TCF4: variants seen among roughly 807,000 people sequenced by gnomAD.
TCF4 encodes the protein transcription factor 4.
In TCF4, 3 loss-of-function variants were observed where a neutral mutation model predicts 82.1. That is an observed-to-expected ratio of 0.04 (90% CI 0.02 to 0.09). TCF4 has a LOEUF of 0.09. Among genes scored for constraint, TCF4 ranks in the 10% least tolerant of loss-of-function variants. TCF4 has a pLI of 1.00. For synonymous variants in TCF4, 276 were observed against 309.6 expected, an observed-to-expected ratio of 0.89 and a Z score of 1.14; for missense variants, 518 against 852.7, an observed-to-expected ratio of 0.61 and a Z score of 4.89.
At position 55,307,472 on chromosome 18, in the gene TCF4, G is replaced by A. The variant is rs138267622; in HGVS notation, c.550-27816C>T. The stretch of plus-strand genomic sequence containing the variant: ...AAATACTCTTGAAGAGGTGTACTCT[G>A]TGGCCTCAACACACATTATATTTCG... On this transcript the variant is annotated intron_variant, in intron 8 of 19. Transcript: ENST00000354452. Among the ~76,000 whole-genome samples, 248 of 152,316 alleles carry A rather than the reference G, an allele frequency of 1.6e-3. 3 individuals carry two copies. Among genetic ancestry groups the A allele is most frequent in the Admixed American group, 3.7e-3 (56 of 15,300 alleles).
At chr18:55,390,382 C>G (rs1185489123) in intron 6 of TCF4, among the ~76,000 whole-genome samples, 1 of 151,568 alleles carries the variant, frequency 6.6e-6, no homozygotes, top group Admixed American at 6.6e-5. Context: ...AGTCATCTAC[C>G]TAGAGAGCAT....
chr18:55,568,114 T>C (rs1471257196), intron 3 of TCF4, among the ~76,000 whole-genome samples: 1 of 151,210 alleles, frequency 6.6e-6, no homozygotes, highest in East Asian at 1.9e-4. Context: ...AATTCTTATA[T>C]TATAAAAAGA....
At chr18:55,430,093 A>G (rs1416109531) in intron 5 of TCF4, among the ~76,000 whole-genome samples, 8 of 152,186 alleles carry the variant, frequency 5.3e-5, no homozygotes, top group Admixed American at 5.2e-4. Flanking sequence ...TAGAACATTC[A>G]TCTCTCTGTA....
Position 55,550,124 on chromosome 18 carries a change from T to C in TCF4, c.145+35156A>G, listed in dbSNP as rs544131477. 8.7e-4 allele frequency: 132 copies of C among 152,302 alleles called. 2 individuals are homozygous for C. The highest frequency in any genetic ancestry group is 9.1e-4 in the Non-Finnish European group (62 of 68,026). 9.4% of individuals were successfully genotyped at this position (152,302 alleles called of 1,614,324 possible). A position where few individuals can be genotyped will look rare whatever the true frequency, so the allele number is the denominator to read the frequency against. On this transcript the variant is annotated intron_variant, in intron 3 of 19. Transcript: ENST00000354452. Reference sequence around the variant, plus strand: ...ATATATCTCGTGATTTCTAGAAATCTTACTCTAACTTCTCTTAGACACACA... The same window carrying C: ...ATATATCTCGTGATTTCTAGAAATCCTACTCTAACTTCTCTTAGACACACA...
intron 9 of TCF4, among the ~76,000 whole-genome samples, chr18:55,276,218 T>A (rs958906359): frequency 6.6e-6 from 1 of 152,160 alleles, no homozygotes; most frequent in Admixed American, 6.5e-5. Context: ...AATGTTTAAT[T>A]TCATTTTTAA....
chr18:55,615,902 A>G (rs910447389), intron 2 of TCF4, among the ~76,000 whole-genome samples: 2 of 152,128 alleles, frequency 1.3e-5, no homozygotes, highest in African/African-American at 4.8e-5. Flanking sequence ...TTGATATGCT[A>G]AAATTTTGTT....
At chr18:55,528,716 A>G (rs1398303052) in intron 3 of TCF4, among the ~76,000 whole-genome samples, 2 of 152,242 alleles carry the variant, frequency 1.3e-5, no homozygotes, top group Non-Finnish European at 2.9e-5. Flanking sequence ...CGTTTCTCCA[A>G]GGAATTTATG....
At position 55,224,637 on chromosome 18, in the gene TCF4, TA is replaced by T. The variant is rs550539621; in HGVS notation, c.*3397del. 96 of 143,970 alleles carry T rather than the reference TA, an allele frequency of 6.7e-4. No individual in the cohort carries two copies. The highest frequency in any genetic ancestry group is 1.1e-3 in the African/African-American group (45 of 39,166). The allele number at this position is 143,970 out of a possible 1,614,324, so 8.9% of individuals were successfully genotyped here. The stretch of plus-strand genomic sequence containing the variant: ...CCCTCATCAAAATCAAGATCACAAA[TA>T]AAAAAAAAAATTCAGAAATAGGAAA... On this transcript the variant is annotated 3_prime_UTR_variant, in exon 20 of 20. Transcript: ENST00000354452.
intron 15 of TCF4, among the ~76,000 whole-genome samples, chr18:55,253,254 T>TA (rs765221148): frequency 9.5e-4 from 144 of 152,272 alleles, no homozygotes; most frequent in Non-Finnish European, 1.8e-3. Flanking sequence ...AGCAAGAACT[T>TA]AAAAGAACCT....
At chr18:55,515,578 G>C (rs1346749312) in intron 3 of TCF4, among the ~76,000 whole-genome samples, 2 of 152,156 alleles carry the variant, frequency 1.3e-5, no homozygotes, top group Non-Finnish European at 2.9e-5. Context: ...AAAGAGAGTA[G>C]GAGGTATAGA....
chr18:55,588,384 C>A, upstream of TCF4: 1 of 1,532,324 alleles, frequency 6.5e-7, no homozygotes, highest in Non-Finnish European at 8.7e-7. Context: ...ATGCATCCCC[C>A]TCGCACCCAC....
At chr18:55,625,924 G>A (rs1397125984) in intron 2 of TCF4, among the ~76,000 whole-genome samples, 2 of 152,210 alleles carry the variant, frequency 1.3e-5, no homozygotes, top group Non-Finnish European at 2.9e-5. Flanking sequence ...TCAGGCAAGT[G>A]GACTGGCAGC....
chr18:55,514,455 T>C (rs893842331), intron 3 of TCF4, among the ~76,000 whole-genome samples: 2 of 148,294 alleles, frequency 1.3e-5, no homozygotes, highest in Non-Finnish European at 3.0e-5. Context: ...ACCCCAATCA[T>C]ACCTACCACC....
intron 8 of TCF4, among the ~76,000 whole-genome samples, chr18:55,296,103 A>G (rs922262428): frequency 1.3e-5 from 2 of 151,274 alleles, no homozygotes; most frequent in Non-Finnish European, 2.9e-5. Flanking sequence ...AAGTACATTA[A>G]AGTGTTTTTT....
At chr18:55,297,339 T>A (rs571797058) in intron 8 of TCF4, among the ~76,000 whole-genome samples, 8 of 152,106 alleles carry the variant, frequency 5.3e-5, no homozygotes, top group Non-Finnish European at 8.8e-5. Flanking sequence ...CAGGCTTGTA[T>A]CATACTGTAT....
In TCF4 at chr18:55,588,052, A is replaced by T; in HGVS notation, c.-35T>A. ...CCGGTACCTACCGCCCGCGCGCGAGAAGGGGCTCTCCGTGCACCGCCGGCG... is the reference window on the plus strand; with the variant it reads ...CCGGTACCTACCGCCCGCGCGCGAGTAGGGGCTCTCCGTGCACCGCCGGCG... On this transcript the variant is annotated 5_prime_UTR_variant, in exon 1 of 20. Transcript: ENST00000354452. The T allele has an allele frequency of 1.0e-6, 1 of 984,294 alleles. No individual in the cohort carries two copies. The highest frequency in any genetic ancestry group is 1.8e-5 in the African/African-American group (1 of 56,910). The allele number at this position is 984,294 out of a possible 1,614,324, so 61.0% of individuals were successfully genotyped here.
chr18:55,267,926 C>A (rs1600798623), intron 11 of TCF4: 1 of 152,082 alleles, frequency 6.6e-6, no homozygotes. Flanking sequence ...TAGAAGTCAC[C>A]TATTGCTCCA....
At chr18:55,428,278 T>C (rs1243717508) in intron 5 of TCF4, among the ~76,000 whole-genome samples, 1 of 152,230 alleles carries the variant, frequency 6.6e-6, no homozygotes, top group Non-Finnish European at 1.5e-5. Context: ...GTCCCTGGCA[T>C]GCTCTTTTGT....
intron 3 of TCF4, among the ~76,000 whole-genome samples, chr18:55,549,548 T>C (rs1465791703): frequency 6.6e-6 from 1 of 152,160 alleles, no homozygotes; most frequent in African/African-American, 2.4e-5. Context: ...ATGCATACAT[T>C]AGTCTAGGCC....
Sources: gnomAD v4.1 joint callset for allele counts (sites outside exome capture counted in the v4.1 genomes callset) on GRCh38, gnomAD v4.1.1 for gene constraint, MANE v1.5 for transcripts, NCBI Gene and HGNC (gene_info 2026-07-23, HGNC 2026-07-21) for gene names.